Variants in WNK2 observed in about 807,000 individuals in gnomAD.
WNK2 encodes the protein WNK lysine deficient protein kinase 2.
WNK2 carries 67 observed loss-of-function variants against 192.1 expected under a neutral mutation model. The observed-to-expected ratio is 0.35, with a 90% CI of 0.29 to 0.43. WNK2 has a LOEUF of 0.43. Ranked by LOEUF, WNK2 falls within the 20% of genes least tolerant of loss-of-function variation. The pLI is 1.00. For synonymous variants in WNK2, 1,439 were observed against 1,393.9 expected (o/e 1.03, Z -0.72); for missense variants, 2,698 against 3,089.7 (o/e 0.87, Z 3.01).
At position 93,260,347 on chromosome 9, in the gene WNK2, C is replaced by T. The variant is rs574817401; in HGVS notation, c.3066+733C>T. On this transcript the variant is annotated intron_variant, in intron 12 of 29. Coordinates refer to ENST00000427277, the MANE Select transcript of WNK2 (RefSeq NM_006648.4). ...GGGAGCCTTCCCACCTGGGCACTCTCGCACTTGGGCCTCCTTATCTGGGTC... is the reference window on the plus strand; with the variant it reads ...GGGAGCCTTCCCACCTGGGCACTCTTGCACTTGGGCCTCCTTATCTGGGTC... Among the ~76,000 whole-genome samples the T allele has an allele frequency of 2.8e-4, 42 of 152,268 alleles. No homozygotes were observed. In the East Asian group the frequency reaches 5.4e-3, roughly 20 times the overall value.
chr9:93,314,116 C>CAA (rs76294885), intron 28 of WNK2, among the ~76,000 whole-genome samples: 31 of 93,420 alleles, frequency 3.3e-4, no homozygotes, highest in Non-Finnish European at 5.2e-4. Flanking sequence ...ACTAAAAGTA[C>CAA]AAAAAAAAAA....
At chr9:93,309,180 G>C in intron 28 of WNK2, 2 of 964,544 alleles carry the variant, frequency 2.1e-6, no homozygotes, top group Non-Finnish European at 2.5e-6. Context: ...ATTTAGTAAA[G>C]GTCATTTGTG....
chr9:93,205,518 C>T (rs56981819), intron 2 of WNK2, among the ~76,000 whole-genome samples: 2,794 of 152,290 alleles, frequency 0.018, 91 homozygotes, highest in African/African-American at 0.063. Context: ...AGCCCCTGTC[C>T]GTCCCTGCAC....
At position 93,306,867 on chromosome 9, in the gene WNK2, G is replaced by T. The variant is rs755135237; in HGVS notation, c.6259+46G>T. 43 of 1,613,064 alleles carry T rather than the reference G, an allele frequency of 2.7e-5. No homozygotes were observed. The Admixed American group carries it at 5.5e-4, about 21-fold the overall frequency. ...CCCTTTGTCCTCTCTCATCGCATGG[G>T]CTTTCTCGTGGCTAGCGCACATCAG... On this transcript the variant is annotated intron_variant, in intron 27 of 29. Coordinates refer to ENST00000427277, the MANE Select transcript of WNK2 (RefSeq NM_006648.4).
At chr9:93,265,705 A>G (rs568197170) in intron 16 of WNK2, among the ~76,000 whole-genome samples, 4 of 152,390 alleles carry the variant, frequency 2.6e-5, no homozygotes, top group Admixed American at 6.5e-5. Flanking sequence ...GTTATCACTC[A>G]GCCACCAGCT....
At position 93,185,353 on chromosome 9, in the gene WNK2, G is replaced by A. The variant is rs899921639; in HGVS notation, c.424G>A (p.Gly142Ser). The A allele has an allele frequency of 6.4e-7, 1 of 1,557,754 alleles. No homozygotes were observed. The highest frequency in any genetic ancestry group is 1.4e-5 in the African/African-American group (1 of 73,744). Reference protein sequence around the residue: ...AVETAPAPDGGPREEAAATVR... With the variant: ...AVETAPAPDGSPREEAAATVR... ...CGAAACCGCGCCTGCCCCCGACGGC[G>A]GCCCCAGGGAGGAGGCGGCGGCGAC... The change falls in exon 2 of 30, where the codon GGC becomes AGC. Residue 142 changes from glycine (G) to serine (S), a missense_variant. Coordinates refer to ENST00000427277, the MANE Select transcript of WNK2 (RefSeq NM_006648.4).
chr9:93,264,137 T>G (rs1588289149), intron 16 of WNK2, 104 bp downstream of exon 16: 2 of 898,030 alleles, frequency 2.2e-6, no homozygotes, highest in Non-Finnish European at 3.5e-6. Context: ...TGTGTGGAGG[T>G]GTCGGTTGGC....
Position 93,238,243 on chromosome 9 carries a change from C to T in WNK2, c.1244C>T (p.Pro415Leu). ...CTCTCTCCCTGTCAGGGTATCAAGC[C>T]GGCCAGCTTTGAGAAAGTGCACGAT... ...IYRKVTCGIKPASFEKVHDPE... is the reference protein window; with the variant it reads ...IYRKVTCGIKLASFEKVHDPE... Residue 415 changes from proline (P) to leucine (L), a missense_variant, in exon 6 of 30, where the codon CCG becomes CTG. Transcript: ENST00000427277. 1.2e-6 allele frequency: 2 copies of T among 1,613,996 alleles called. No homozygotes were observed. The highest frequency in any genetic ancestry group is 1.7e-6 in the Non-Finnish European group (2 of 1,179,874).
intron 19 of WNK2, among the ~76,000 whole-genome samples, chr9:93,278,259 T>A (rs1465942365): frequency 6.6e-6 from 1 of 151,886 alleles, no homozygotes; most frequent in Non-Finnish European, 1.5e-5. Context: ...CAAGGCGGAG[T>A]TCTGGAGAGG....
intron 2 of WNK2, among the ~76,000 whole-genome samples, chr9:93,190,540 A>G (rs919096166): frequency 4.6e-5 from 7 of 152,194 alleles, no homozygotes; most frequent in African/African-American, 1.7e-4. Flanking sequence ...GCCATTTGCC[A>G]TTGCAAATGA....
chr9:93,318,687 T>A, intron 29 of WNK2: 1 of 1,480,548 alleles, frequency 6.8e-7, no homozygotes, highest in Non-Finnish European at 9.0e-7. Context: ...ATGATTTCCA[T>A]GGAGACCTGT....
intron 2 of WNK2, among the ~76,000 whole-genome samples, chr9:93,212,248 T>C (rs1331212024): frequency 6.6e-6 from 1 of 152,228 alleles, no homozygotes; most frequent in African/African-American, 2.4e-5. Context: ...CAGGCTACTC[T>C]AGGTTTCAGC....
intron 2 of WNK2, among the ~76,000 whole-genome samples, chr9:93,216,911 ATAT>A (rs1835843203): frequency 6.6e-6 from 1 of 152,218 alleles, no homozygotes; most frequent in African/African-American, 2.4e-5. Context: ...TATATCTAAA[ATAT>A]TATGTTTTTG....
intron 3 of WNK2, 36 bp from the exon 4 acceptor site, chr9:93,230,852 A>C: frequency 6.3e-7 from 1 of 1,593,842 alleles, no homozygotes; most frequent in Middle Eastern, 2.2e-4. Flanking sequence ...GCTGCCGGCG[A>C]GCTGCTTGGT....
intron 2 of WNK2, among the ~76,000 whole-genome samples, chr9:93,221,094 G>T (rs1316768579): frequency 6.6e-6 from 1 of 152,220 alleles, no homozygotes; most frequent in Admixed American, 6.5e-5. Context: ...TGTGACCGGA[G>T]CCCTGCGGTG....
intron 29 of WNK2, chr9:93,317,940 C>T: frequency 6.2e-7 from 1 of 1,610,074 alleles, no homozygotes; most frequent in Middle Eastern, 1.7e-4. Flanking sequence ...CCACCGCCTG[C>T]TGTGGGCACA....
At chr9:93,312,414 C>T (rs1853820659) in intron 28 of WNK2, among the ~76,000 whole-genome samples, 3 of 151,972 alleles carry the variant, frequency 2.0e-5, no homozygotes, top group South Asian at 2.1e-4. Context: ...CTCACTCTGT[C>T]GCCAGGCTGG....
chr9:93,231,160 G>A, intron 4 of WNK2, 52 bp downstream of exon 4: 2 of 1,542,322 alleles, frequency 1.3e-6, no homozygotes, highest in Admixed American at 3.4e-5. Context: ...AAGCTGGGCA[G>A]CAGTGAGTGC....
At chr9:93,217,393 G>T (rs971174630) in intron 2 of WNK2, among the ~76,000 whole-genome samples, 3 of 152,220 alleles carry the variant, frequency 2.0e-5, no homozygotes, top group Non-Finnish European at 1.5e-5. Flanking sequence ...CAACTTTAGT[G>T]GGAGAAGCAG....
Sources: gnomAD v4.1 joint callset for allele counts (sites outside exome capture counted in the v4.1 genomes callset) on GRCh38, gnomAD v4.1.1 for gene constraint, MANE v1.5 for transcripts, NCBI Gene and HGNC (gene_info 2026-07-23, HGNC 2026-07-21) for gene names.